RUFY3: variants seen among roughly 807,000 people sequenced by gnomAD.
RUFY3 encodes RUN and FYVE domain containing 3, also known as protein RUFY3.
A neutral mutation model predicts 84.0 loss-of-function variants in RUFY3; 34 were observed. The observed-to-expected ratio is 0.40, with a 90% CI of 0.31 to 0.54. The LOEUF (loss-of-function observed/expected upper bound fraction) is 0.54. RUFY3 is among the 20% of genes least tolerant of loss of function. The pLI is 0.39. For synonymous variants in RUFY3, 242 were observed against 252.9 expected (o/e 0.96, Z 0.41); for missense variants, 507 against 736.8 (o/e 0.69, Z 3.61).
At chr4:70,720,895 G>A (rs1414503182), upstream of RUFY3, among the ~76,000 whole-genome samples, 1 of 120,662 alleles carries the variant, frequency 8.3e-6, no homozygotes, top group African/African-American at 4.8e-5. Context: ...GGCCGTGTGT[G>A]TGTGTGTGTG....
chr4:70,720,631 A>G (rs554240160), upstream of RUFY3, among the ~76,000 whole-genome samples: 1 of 152,318 alleles, frequency 6.6e-6, no homozygotes, highest in African/African-American at 2.4e-5. Flanking sequence ...TAGTTTTCAG[A>G]AATTAGGTAA....
chr4:70,774,467 T>TA (rs1727492305), intron 6 of RUFY3, among the ~76,000 whole-genome samples: 1 of 144,996 alleles, frequency 6.9e-6, no homozygotes, highest in African/African-American at 2.6e-5. Context: ...AAAAAAAAAA[T>TA]AGCCAGGCAT....
intron 4 of RUFY3, among the ~76,000 whole-genome samples, chr4:70,766,349 A>G (rs1217178625): frequency 6.6e-6 from 1 of 151,920 alleles, no homozygotes; most frequent in Non-Finnish European, 1.5e-5. Context: ...GGTTCAATCG[A>G]TTCTCCTGCC....
At position 70,780,426 on chromosome 4, in the gene RUFY3, C is replaced by T. The variant is rs1560542548; in HGVS notation, c.894+1988C>T. ...TCTCCTGCCTCAGCCTCCGAGTAGCCGGGACCACAGGCATGCACCATCACA... is the reference window on the plus strand; with the variant it reads ...TCTCCTGCCTCAGCCTCCGAGTAGCTGGGACCACAGGCATGCACCATCACA... On this transcript the variant is annotated intron_variant, in intron 8 of 17. Transcript: ENST00000381006. 2.0e-5 allele frequency among the ~76,000 whole-genome samples: 3 copies of T among 151,946 alleles called. No homozygotes were observed. In the South Asian group the frequency reaches 6.2e-4, roughly 32 times the overall value.
chr4:70,704,802 T>G (rs1740062506), exon 1 of RUFY3: 1 of 552,076 alleles, frequency 1.8e-6, no homozygotes, highest in Non-Finnish European at 2.6e-6. Context: ...CGCCAGCCCG[T>G]GGCCGAGAAG....
chr4:70,806,523 G>GT lies in RUFY3; in HGVS notation c.1728dup (p.Lys577Ter). On this transcript the variant is annotated frameshift_variant, in exon 18 of 18. Transcript: ENST00000381006. LOFTEE classifies it low-confidence loss of function (END_TRUNC). The stretch of plus-strand genomic sequence containing the variant: ...AACCTCCTCTTCTCATAGAATGTGT[G>GT]TAAGAACTGCAGCGGAACCTTCTGT... 1 of 1,614,080 alleles carries GT rather than the reference G, an allele frequency of 6.2e-7. No homozygotes were observed. Among genetic ancestry groups the GT allele is most frequent in the Non-Finnish European group, 8.5e-7 (1 of 1,179,968 alleles).
chr4:70,749,710 T>TGGTG (rs1156308911), intron 1 of RUFY3, among the ~76,000 whole-genome samples: 7 of 149,290 alleles, frequency 4.7e-5, no homozygotes, highest in African/African-American at 1.5e-4. Context: ...GGCTAGAAGG[T>TGGTG]GGTGGCACAG....
intron 1 of RUFY3, among the ~76,000 whole-genome samples, chr4:70,740,710 T>A (rs1721196837): frequency 6.6e-6 from 1 of 152,226 alleles, no homozygotes; most frequent in Non-Finnish European, 1.5e-5. Flanking sequence ...TGAAAATGAC[T>A]TCTGCAAATA....
At chr4:70,792,894 G>A (rs764052484) in intron 12 of RUFY3, 33 of 985,202 alleles carry the variant, frequency 3.3e-5, no homozygotes, top group Non-Finnish European at 4.0e-5. Flanking sequence ...AGCTCCTACT[G>A]TATTCTTCTC....
At chr4:70,704,164 C>A (rs1220152832), upstream of RUFY3, 1 of 152,224 alleles carries the variant, frequency 6.6e-6, no homozygotes, top group Non-Finnish European at 1.5e-5. Flanking sequence ...CACTCATGCG[C>A]ACCCGCGGCA....
intron 1 of RUFY3, among the ~76,000 whole-genome samples, chr4:70,743,342 G>GC (rs1721626425): frequency 6.6e-6 from 1 of 152,102 alleles, no homozygotes; most frequent in South Asian, 2.1e-4. Context: ...AAAGTGCTGG[G>GC]ATTACAAGTG....
intron 7 of RUFY3, among the ~76,000 whole-genome samples, chr4:70,776,052 AT>A (rs1455252248): frequency 6.6e-6 from 1 of 152,080 alleles, no homozygotes; most frequent in Non-Finnish European, 1.5e-5. Flanking sequence ...TTTCTTTGCC[AT>A]TATTACAGTT....
intron 10 of RUFY3, among the ~76,000 whole-genome samples, chr4:70,787,245 T>C (rs1287412941): frequency 6.9e-6 from 1 of 144,274 alleles, no homozygotes; most frequent in Non-Finnish European, 1.5e-5. Flanking sequence ...AACATAATTT[T>C]AGATTTATTT....
At chr4:70,727,039 CTTT>C (rs1242842461) in intron 1 of RUFY3, among the ~76,000 whole-genome samples, 13 of 113,268 alleles carry the variant, frequency 1.1e-4, no homozygotes, top group Non-Finnish European at 1.9e-4. Context: ...GATTTCTTTC[CTTT>C]TTTTTTTTTT....
At chr4:70,706,364 C>T (rs753048277) in intron 1 of RUFY3, among the ~76,000 whole-genome samples, 29 of 152,274 alleles carry the variant, frequency 1.9e-4, no homozygotes, top group Admixed American at 3.3e-4. Context: ...CCTGACTCAC[C>T]TTTTCTGCCC....
chr4:70,747,603 A>G (rs1203717817), intron 1 of RUFY3, among the ~76,000 whole-genome samples: 1 of 151,900 alleles, frequency 6.6e-6, no homozygotes, highest in Non-Finnish European at 1.5e-5. Context: ...GCATCCTTCT[A>G]TTTCTCTTTA....
intron 1 of RUFY3, among the ~76,000 whole-genome samples, chr4:70,731,653 T>A (rs1447815273): frequency 2.0e-5 from 3 of 151,988 alleles, no homozygotes; most frequent in Non-Finnish European, 4.4e-5. Context: ...CTGCAACCTC[T>A]GCCTCCCAGG....
chr4:70,788,881 G>C lies in RUFY3; in HGVS notation c.1147G>C (p.Asp383His). ...ATTGGCTATGAAGATGCTGGAGAAG[G>C]ATGTCTGTGAGAAGCAGGATGCCCT... ...MELAMKMLEK[D>H]VCEKQDALVS... Residue 383 changes from aspartate to histidine, a missense_variant, in exon 11 of 18, where the codon GAT becomes CAT. By Grantham distance (81) the Asp-to-His change is moderately conservative. Around this residue, in one of 4 missense-constraint regions of RUFY3, gnomAD observed 334 missense variants for 364.1 expected, o/e 0.92. Coordinates refer to ENST00000381006, the MANE Select transcript of RUFY3 (RefSeq NM_001037442.4). 6.2e-7 allele frequency: 1 copy of C among 1,614,180 alleles called. No homozygotes were observed. Among genetic ancestry groups the C allele is most frequent in the Non-Finnish European group, 8.5e-7 (1 of 1,180,042 alleles).
intron 12 of RUFY3, 137 bp from the exon 13 acceptor site, chr4:70,793,648 G>T: frequency 6.5e-7 from 1 of 1,534,756 alleles, no homozygotes; most frequent in Admixed American, 2.1e-5. Context: ...CTTCACCTGT[G>T]TCCTGCAAAG....
Sources: allele counts gnomAD v4.1 joint callset (sites outside exome capture counted in the v4.1 genomes callset), GRCh38; gene constraint gnomAD v4.1.1; regional missense constraint gnomAD v4.1.1; transcripts MANE v1.5; gene names NCBI Gene and HGNC (gene_info 2026-07-23, HGNC 2026-07-21).